The following RUNDC3B variants were observed in gnomAD, a reference collection of about 807,000 sequenced individuals.
RUNDC3B encodes the protein RUN domain containing 3B.
RUNDC3B carries 33 observed loss-of-function variants against 58.4 expected under a neutral mutation model. The observed-to-expected ratio is 0.56, with a 90% CI of 0.43 to 0.75. The LOEUF is 0.75. RUNDC3B is among the 30% of genes least tolerant of loss of function. RUNDC3B has a pLI of 0.00. For missense variants in RUNDC3B, 501 were observed against 535.7 expected, an observed-to-expected ratio of 0.94 and a Z score of 0.64; for synonymous variants, 193 against 195.2, an observed-to-expected ratio of 0.99 and a Z score of 0.10.
chr7:87,649,731 G>C (rs188479582), intron 1 of RUNDC3B, among the ~76,000 whole-genome samples: 1 of 152,252 alleles, frequency 6.6e-6, no homozygotes, highest in African/African-American at 2.4e-5. Flanking sequence ...ATCTCATCTT[G>C]AATTGTAGCT....
In RUNDC3B at chr7:87,777,930, A is replaced by G. The variant is rs142349491; in HGVS notation, c.931A>G (p.Ile311Val). 5 of 1,612,958 alleles carry G rather than the reference A, an allele frequency of 3.1e-6. No homozygotes were observed. The African/African-American group carries it at 5.3e-5, about 17-fold the overall frequency. The change falls in exon 8 of 11, where the codon ATA (isoleucine) becomes GTA (valine). Residue 311 changes from isoleucine (I) to valine (V), a missense_variant. Ile to Val is a conservative substitution (Grantham distance 29). Coordinates refer to ENST00000394654, the MANE Select transcript of RUNDC3B (RefSeq NM_001134405.2). ...ACTGGAGAAGGAACAATTAGAATAT[A>G]TAATTGTGGAGCTTCAAGATCAGCT... ...HKLEKEQLEY[I>V]IVELQDQLTV...
intron 9 of RUNDC3B, among the ~76,000 whole-genome samples, chr7:87,808,454 G>C (rs17330078): frequency 0.03 from 4,529 of 152,058 alleles, 64 homozygotes; most frequent in Middle Eastern, 0.048. Flanking sequence ...ATTTCCACCT[G>C]CTTTACTCTG....
intron 8 of RUNDC3B, among the ~76,000 whole-genome samples, chr7:87,798,876 T>C (rs1051417534): frequency 6.6e-6 from 1 of 152,210 alleles, no homozygotes; most frequent in Non-Finnish European, 1.5e-5. Flanking sequence ...GACATCTGTC[T>C]CCTTTTAAGG....
At chr7:87,669,827 G>A (rs1336944596) in intron 2 of RUNDC3B, among the ~76,000 whole-genome samples, 1 of 152,180 alleles carries the variant, frequency 6.6e-6, no homozygotes, top group Non-Finnish European at 1.5e-5. Context: ...TAGGGTTTCA[G>A]CTGAGAGGTC....
At chr7:87,806,002 T>C (rs1293639690) in intron 8 of RUNDC3B, among the ~76,000 whole-genome samples, 1 of 152,192 alleles carries the variant, frequency 6.6e-6, no homozygotes, top group South Asian at 2.1e-4. Flanking sequence ...TTTGAAAAAA[T>C]GTTTAAGTAC....
chr7:87,755,235 C>G (rs1465270259), intron 6 of RUNDC3B, among the ~76,000 whole-genome samples: 2 of 152,074 alleles, frequency 1.3e-5, no homozygotes. Flanking sequence ...GTTGGCCAGG[C>G]TGGTCTCAAA....
At chr7:87,714,971 A>G (rs2130759487) in intron 4 of RUNDC3B, among the ~76,000 whole-genome samples, 1 of 152,034 alleles carries the variant, frequency 6.6e-6, no homozygotes, top group East Asian at 1.9e-4. Context: ...CATTGTCTTT[A>G]CACAATACTG....
In RUNDC3B at chr7:87,810,642, G is replaced by A. The variant is rs1011209929; in HGVS notation, c.1103+3123G>A. On this transcript the variant is annotated intron_variant, in intron 9 of 10. Coordinates refer to ENST00000394654, the MANE Select transcript of RUNDC3B (RefSeq NM_001134405.2). ...CATATTGTCACCTACTCATGGAAATGGATCCCTCTCATAATTGAAGATCTT... is the reference window on the plus strand; with the variant it reads ...CATATTGTCACCTACTCATGGAAATAGATCCCTCTCATAATTGAAGATCTT... 2.0e-5 allele frequency among the ~76,000 whole-genome samples: 3 copies of A among 152,044 alleles called. 1 individual carries two copies. Among genetic ancestry groups the A allele is most frequent in the African/African-American group, 7.2e-5 (3 of 41,398 alleles).
chr7:87,706,161 C>T (rs1303004029), intron 3 of RUNDC3B, among the ~76,000 whole-genome samples: 2 of 152,196 alleles, frequency 1.3e-5, no homozygotes, highest in Admixed American at 6.5e-5. Flanking sequence ...CATATCCATG[C>T]ATCTTTCCAT....
chr7:87,699,366 G>A (rs1472250842), intron 2 of RUNDC3B, among the ~76,000 whole-genome samples: 1 of 152,148 alleles, frequency 6.6e-6, no homozygotes, highest in Non-Finnish European at 1.5e-5. Context: ...AATACTGAGT[G>A]TAGAAAATGT....
intron 1 of RUNDC3B, among the ~76,000 whole-genome samples, chr7:87,641,434 A>T (rs866450392): frequency 1.5e-4 from 23 of 152,314 alleles, no homozygotes; most frequent in African/African-American, 5.1e-4. Flanking sequence ...AACCATGGTT[A>T]GTCTTGAACA....
chr7:87,824,249 G>A (rs924999599), intron 10 of RUNDC3B, among the ~76,000 whole-genome samples: 2 of 152,204 alleles, frequency 1.3e-5, no homozygotes, highest in Admixed American at 1.3e-4. Flanking sequence ...GACGTGTCAT[G>A]TGAGGAACCC....
At chr7:87,662,609 T>C (rs1173181926) in intron 2 of RUNDC3B, among the ~76,000 whole-genome samples, 1 of 152,178 alleles carries the variant, frequency 6.6e-6, no homozygotes, top group East Asian at 1.9e-4. Flanking sequence ...TCCATTGGTC[T>C]ATGTATCTCT....
chr7:87,804,412 A>T (rs1209604095), intron 8 of RUNDC3B, among the ~76,000 whole-genome samples: 1 of 152,122 alleles, frequency 6.6e-6, no homozygotes, highest in African/African-American at 2.4e-5. Flanking sequence ...CCATATAAAG[A>T]GATCCTTTCT....
At chr7:87,758,962 G>A (rs2130849682) in intron 6 of RUNDC3B, among the ~76,000 whole-genome samples, 1 of 152,220 alleles carries the variant, frequency 6.6e-6, no homozygotes, top group South Asian at 2.1e-4. Flanking sequence ...ATATGATCCA[G>A]CAATTCCACT....
intron 3 of RUNDC3B, chr7:87,709,437 G>T (rs1389012719): frequency 1.6e-5 from 16 of 985,158 alleles, no homozygotes; most frequent in Non-Finnish European, 1.8e-5. Flanking sequence ...GCTAACTGCA[G>T]GTTCCCCTAG....
At chr7:87,718,292 G>A (rs977532484) in intron 4 of RUNDC3B, among the ~76,000 whole-genome samples, 1 of 152,100 alleles carries the variant, frequency 6.6e-6, no homozygotes, top group African/African-American at 2.4e-5. Flanking sequence ...TGTCCACCAG[G>A]GAAGCTCATT....
At chr7:87,821,658 AACCAAAACAGCATGGTACTGGT>A (rs1837446616) in intron 10 of RUNDC3B, among the ~76,000 whole-genome samples, 1 of 152,252 alleles carries the variant, frequency 6.6e-6, no homozygotes, top group African/African-American at 2.4e-5. Flanking sequence ...ATGCTACAGT[AACCAAAACAGCATGGTACTGGT>A]ACCAAAACAG....
chr7:87,792,065 G>A (rs1225160858), intron 8 of RUNDC3B, among the ~76,000 whole-genome samples: 1 of 152,050 alleles, frequency 6.6e-6, no homozygotes, highest in Non-Finnish European at 1.5e-5. Flanking sequence ...ATCAGGAGTA[G>A]CTATACTTAT....
Sources: allele counts gnomAD v4.1 joint callset (sites outside exome capture counted in the v4.1 genomes callset), GRCh38; gene constraint gnomAD v4.1.1; transcripts MANE v1.5; gene names NCBI Gene and HGNC (gene_info 2026-07-23, HGNC 2026-07-21).